The following FAT3 variants were observed in gnomAD, a reference collection of about 807,000 sequenced individuals.
FAT3 encodes protocadherin Fat 3.
Under a neutral mutation model 310.2 loss-of-function variants are expected in FAT3, and 95 were observed. That is an observed-to-expected ratio of 0.31 (90% confidence interval 0.26 to 0.36). The LOEUF is 0.36. Ranked by LOEUF, FAT3 falls within the 10% of genes least tolerant of loss-of-function variation. The pLI, the probability that FAT3 is intolerant of heterozygous loss-of-function variation, is 1.00. For synonymous variants in FAT3, 2,314 were observed against 2,192.9 expected, an observed-to-expected ratio of 1.06 and a Z score of -1.54; for missense variants, 5,408 against 5,715.6, an observed-to-expected ratio of 0.95 and a Z score of 1.74.
chr11:92,754,872 T>C (rs1336399582), intron 4 of FAT3, among the ~76,000 whole-genome samples: 2 of 151,268 alleles, frequency 1.3e-5, no homozygotes, highest in Non-Finnish European at 3.0e-5. Flanking sequence ...ATCTAAAAAA[T>C]AATAATAATA....
intron 2 of FAT3, among the ~76,000 whole-genome samples, chr11:92,523,286 A>G (rs1953745797): frequency 6.6e-6 from 1 of 152,114 alleles, no homozygotes; most frequent in South Asian, 2.1e-4. Flanking sequence ...TTCTATAGGA[A>G]CCCATTGTTT....
chr11:92,857,072 G>T, intron 19 of FAT3, 142 bp from the exon 20 acceptor site: 2 of 1,203,600 alleles, frequency 1.7e-6, no homozygotes, highest in Non-Finnish European at 2.4e-6. Flanking sequence ...CTTCTGAGTG[G>T]CATCTTTGTG....
intron 3 of FAT3, among the ~76,000 whole-genome samples, chr11:92,626,473 T>C (rs1373035652): frequency 2.6e-5 from 3 of 116,108 alleles, no homozygotes; most frequent in East Asian, 3.0e-4. Context: ...GCGTATCTCT[T>C]TTTTTTTTTT....
At chr11:92,889,779 C>A in intron 26 of FAT3, 77 bp from the exon 27 acceptor site, 1 of 711,286 alleles carries the variant, frequency 1.4e-6, no homozygotes, top group Admixed American at 2.0e-5. Flanking sequence ...TTTTAAAAGT[C>A]ATCTCAAATG....
rs997532253 is a variant in FAT3 at position 92,708,624 on chromosome 11, C to T, written c.3669+11179C>T. Among the ~76,000 whole-genome samples the T allele has an allele frequency of 1.6e-4, 25 of 152,280 alleles. 1 individual carries two copies. The highest frequency in any genetic ancestry group is 6.0e-4 in the African/African-American group (25 of 41,546). ...GATTCCTGAAGCAGTCATCTTGTGA[C>T]AAAATTCAGAACACTTAAGGCCTTG... On this transcript the variant is annotated intron_variant, in intron 4 of 27. Coordinates refer to ENST00000525166, the MANE Select transcript of FAT3 (RefSeq NM_001367949.2).
chr11:92,298,645 T>C (rs1443171731), intron 1 of FAT3, among the ~76,000 whole-genome samples: 1 of 152,152 alleles, frequency 6.6e-6, no homozygotes, highest in Non-Finnish European at 1.5e-5. Flanking sequence ...CCTTTCATTG[T>C]CTTCTTCATG....
chr11:92,566,600 A>G (rs1955458092), intron 3 of FAT3, among the ~76,000 whole-genome samples: 1 of 151,802 alleles, frequency 6.6e-6, no homozygotes, highest in African/African-American at 2.4e-5. Flanking sequence ...AGCCAAAAGA[A>G]CAAAGCTGGA....
intron 3 of FAT3, among the ~76,000 whole-genome samples, chr11:92,666,933 A>T (rs1942973217): frequency 6.6e-6 from 1 of 152,156 alleles, no homozygotes; most frequent in African/African-American, 2.4e-5. Context: ...CCTATGCTGC[A>T]AGGCATAATC....
intron 3 of FAT3, among the ~76,000 whole-genome samples, chr11:92,679,940 T>TAAA: frequency 6.6e-6 from 1 of 152,034 alleles, no homozygotes; most frequent in South Asian, 2.1e-4. Flanking sequence ...TCATGTCCTT[T>TAAA]ACTCAAGTTT....
At chr11:92,506,025 G>A (rs1027132849) in intron 2 of FAT3, among the ~76,000 whole-genome samples, 9 of 152,082 alleles carry the variant, frequency 5.9e-5, no homozygotes, top group Non-Finnish European at 1.2e-4. Context: ...AGAAAGGCAG[G>A]ACAGCATATC....
Position 92,734,870 on chromosome 11 carries a change from T to C in FAT3, c.3670-26986T>C, listed in dbSNP as rs192622977. 2.5e-3 allele frequency among the ~76,000 whole-genome samples: 385 copies of C among 152,190 alleles called. 2 individuals are homozygous for C. Among genetic ancestry groups the C allele is most frequent in the Non-Finnish European group, 3.9e-3 (265 of 68,004 alleles). On this transcript the variant is annotated intron_variant, in intron 4 of 27. Transcript: ENST00000525166. ...ATCCCTGAGCCTGCAAAAAGGAGCATGGCTTGTGGATAGAGGAAGATCGGA... is the reference window on the plus strand; with the variant it reads ...ATCCCTGAGCCTGCAAAAAGGAGCACGGCTTGTGGATAGAGGAAGATCGGA...
chr11:92,561,250 CGT>C (rs66585879), intron 3 of FAT3, among the ~76,000 whole-genome samples: 7,537 of 148,346 alleles, frequency 0.051, 507 homozygotes, highest in African/African-American at 0.15. Flanking sequence ...CCTTCTACTT[CGT>C]GTGTGTGTGT....
At chr11:92,266,838 G>C (rs144513185) in intron 1 of FAT3, among the ~76,000 whole-genome samples, 145 of 152,232 alleles carry the variant, frequency 9.5e-4, no homozygotes, top group African/African-American at 3.2e-3. Context: ...GCCTTTTCCT[G>C]ATTTCACCTG....
At chr11:92,608,394 A>AT (rs1940405208) in intron 3 of FAT3, among the ~76,000 whole-genome samples, 1 of 152,134 alleles carries the variant, frequency 6.6e-6, no homozygotes, top group Admixed American at 6.5e-5. Context: ...GTTAGTTGTT[A>AT]CTTTTCAACC....
At chr11:92,561,816 G>C (rs1305676440) in intron 3 of FAT3, among the ~76,000 whole-genome samples, 1 of 151,874 alleles carries the variant, frequency 6.6e-6, no homozygotes, top group Non-Finnish European at 1.5e-5. Context: ...AGTAGAGACA[G>C]GGTTTCATCA....
chr11:92,245,035 T>C (rs1417190614), intron 1 of FAT3, among the ~76,000 whole-genome samples: 2 of 152,090 alleles, frequency 1.3e-5, no homozygotes, highest in Non-Finnish European at 2.9e-5. Context: ...TAAAGATACA[T>C]GCACACATGT....
At chr11:92,330,279 C>T (rs1280639016) in intron 1 of FAT3, among the ~76,000 whole-genome samples, 1 of 152,146 alleles carries the variant, frequency 6.6e-6, no homozygotes, top group Non-Finnish European at 1.5e-5. Context: ...TTTATGATTG[C>T]AGAATTTGGC....
intron 1 of FAT3, among the ~76,000 whole-genome samples, chr11:92,290,868 C>G (rs898067619): frequency 6.6e-6 from 1 of 151,924 alleles, no homozygotes; most frequent in Non-Finnish European, 1.5e-5. Context: ...TAGCTGCACA[C>G]CAGCCACTTG....
Position 92,867,178 on chromosome 11 carries a change from CG to C in FAT3, c.12101del (p.Gly4034AlafsTer45). ...CCTGCAAGCGCAGCCCGTGCCAGCA[CG>C]GGGGCAGCTGCACTGGCCTGCCATC... ...DACKRSPCQH[G>X]GSCTGLPSGG... On this transcript the variant is annotated frameshift_variant, in exon 22 of 28. Coordinates refer to ENST00000525166, the MANE Select transcript of FAT3 (RefSeq NM_001367949.2). LOFTEE classifies it high-confidence loss of function. 6.3e-7 allele frequency: 1 copy of C among 1,589,278 alleles called. No individual in the cohort carries two copies.
Sources: allele counts gnomAD v4.1 joint callset (sites outside exome capture counted in the v4.1 genomes callset), GRCh38; gene constraint gnomAD v4.1.1; transcripts MANE v1.5; gene names NCBI Gene and HGNC (gene_info 2026-07-23, HGNC 2026-07-21).